The following TSPAN3 variants were observed in gnomAD, a reference collection of about 807,000 sequenced individuals.
TSPAN3 encodes the protein tetraspanin-3.
Under a neutral mutation model 31.1 loss-of-function variants are expected in TSPAN3, and 9 were observed. The observed-to-expected ratio is 0.29, with a 90% confidence interval of 0.17 to 0.50. TSPAN3 has a LOEUF of 0.50. Among genes scored for constraint, TSPAN3 ranks in the 20% least tolerant of loss-of-function variants. The pLI, the probability that TSPAN3 is intolerant of heterozygous loss-of-function variation, is 0.98. For synonymous variants in TSPAN3, 129 were observed against 114.3 expected (o/e 1.13, Z -0.82); for missense variants, 252 against 313.5 (o/e 0.80, Z 1.48).
At chr15:77,047,610 CCGT>C (rs1234756131) in intron 6 of TSPAN3, among the ~76,000 whole-genome samples, 1 of 152,134 alleles carries the variant, frequency 6.6e-6, no homozygotes, top group Admixed American at 6.5e-5. Context: ...GGTCACTCTT[CCGT>C]CATCATTTTA....
rs1201001418 is a variant in TSPAN3 at position 77,043,809 on chromosome 15, T to C, written c.*3026A>G. ...GATGGACGGAATTTGACAACTGTAC[T>C]GCAGTCGTCAGAGAGTATCTTCTTC... On this transcript the variant is annotated 3_prime_UTR_variant, in exon 7 of 7. Coordinates refer to ENST00000267970, the MANE Select transcript of TSPAN3 (RefSeq NM_005724.6). 6.6e-6 allele frequency: 1 copy of C among 152,214 alleles called. No individual in the cohort carries two copies. The highest frequency in any genetic ancestry group is 1.5e-5 in the Non-Finnish European group (1 of 68,060). 9.4% of individuals were successfully genotyped at this position (152,214 alleles called of 1,614,324 possible). A position where few individuals can be genotyped will look rare whatever the true frequency, so the allele number is the denominator to read the frequency against.
chr15:77,049,814 AT>A (rs1433892373), intron 6 of TSPAN3, among the ~76,000 whole-genome samples: 1 of 152,186 alleles, frequency 6.6e-6, no homozygotes, highest in African/African-American at 2.4e-5. Context: ...ATCAATCAAT[AT>A]TGTAACTACT....
At position 77,052,898 on chromosome 15, in the gene TSPAN3, T is replaced by A; in HGVS notation, c.464A>T (p.Asp155Val). 6.2e-7 allele frequency: 1 copy of A among 1,613,966 alleles called. No individual in the cohort carries two copies. Among genetic ancestry groups the A allele is most frequent in the Non-Finnish European group, 8.5e-7 (1 of 1,179,916 alleles). The change falls in exon 5 of 7, where the codon GAC becomes GTC. Residue 155 changes from aspartate (D) to valine (V), a missense_variant. Coordinates refer to ENST00000267970, the MANE Select transcript of TSPAN3 (RefSeq NM_005724.6). The stretch of plus-strand genomic sequence containing the variant: ...TTTGAACCAATCTGTATTTTCCCAG[T>A]CTGAGTAGTTGTGAATTCCACAACA... ...LHCCGIHNYS[D>V]WENTDWFKET...
intron 1 of TSPAN3, chr15:77,063,716 T>C (rs533806950): frequency 8.5e-4 from 130 of 152,346 alleles, no homozygotes; most frequent in African/African-American, 3.0e-3. Flanking sequence ...TTAACAAAGT[T>C]GTTCTATTTA....
At chr15:77,051,921 C>T (rs538531069) in intron 6 of TSPAN3, among the ~76,000 whole-genome samples, 1 of 151,840 alleles carries the variant, frequency 6.6e-6, no homozygotes, top group Non-Finnish European at 1.5e-5. Flanking sequence ...TCTTGATTTA[C>T]GTATATGAAT....
chr15:77,052,251 G>A (rs938814600), intron 6 of TSPAN3, 134 bp downstream of exon 6: 2 of 724,338 alleles, frequency 2.8e-6, no homozygotes, highest in African/African-American at 3.5e-5. Flanking sequence ...ATGGGAAACT[G>A]GAGGCCAGTA....
intron 6 of TSPAN3, among the ~76,000 whole-genome samples, chr15:77,047,426 T>G (rs2076701100): frequency 6.6e-6 from 1 of 152,222 alleles, no homozygotes; most frequent in South Asian, 2.1e-4. Context: ...TTAATAGTGG[T>G]CTTTTCAGGT....
chr15:77,060,173 T>C (rs1489602170), intron 1 of TSPAN3, among the ~76,000 whole-genome samples: 3 of 151,972 alleles, frequency 2.0e-5, no homozygotes, highest in South Asian at 2.1e-4. Context: ...TGGCAACATA[T>C]AGTTAAAGGA....
intron 6 of TSPAN3, among the ~76,000 whole-genome samples, chr15:77,048,961 C>T (rs2076710891): frequency 6.6e-6 from 1 of 152,030 alleles, no homozygotes; most frequent in Non-Finnish European, 1.5e-5. Flanking sequence ...ATTGGAAATA[C>T]CTATCAAAAT....
Position 77,056,149 on chromosome 15 carries a change from A to T in TSPAN3, c.170T>A (p.Ile57Asn). 6.2e-7 allele frequency: 1 copy of T among 1,613,906 alleles called. No homozygotes were observed. The highest frequency in any genetic ancestry group is 8.5e-7 in the Non-Finnish European group (1 of 1,179,936). Residue 57 changes from isoleucine to asparagine, a missense_variant, in exon 2 of 7, where the codon ATC (isoleucine) becomes AAC (asparagine). Ile to Asn is a moderately radical substitution (Grantham distance 149). Transcript: ENST00000267970. The part of the protein sequence containing the change: ...DVYTLIPAVV[I>N]IAVGALLFII... ...GAAAAGCAGGGCTCCTACAGCTATGATCACTACAGCAGGGATGAGCGTGTA... is the reference window on the plus strand; with the variant it reads ...GAAAAGCAGGGCTCCTACAGCTATGTTCACTACAGCAGGGATGAGCGTGTA...
chr15:77,053,597 T>C (rs1267925872), intron 4 of TSPAN3, among the ~76,000 whole-genome samples: 6 of 151,436 alleles, frequency 4.0e-5, no homozygotes, highest in African/African-American at 1.2e-4. Context: ...TTATTTCCAA[T>C]GACAAAGTAT....
At chr15:77,056,809 G>A (rs571904258) in intron 1 of TSPAN3, among the ~76,000 whole-genome samples, 6 of 152,300 alleles carry the variant, frequency 3.9e-5, no homozygotes, top group Non-Finnish European at 7.3e-5. Flanking sequence ...GGCAAAGCTA[G>A]AGGGCTCAGT....
intron 1 of TSPAN3, among the ~76,000 whole-genome samples, chr15:77,067,004 T>C (rs969736039): frequency 6.6e-6 from 1 of 152,040 alleles, no homozygotes; most frequent in Admixed American, 6.6e-5. Context: ...TCTCTCTGCC[T>C]CTTCTTATAA....
At chr15:77,047,088 A>AT (rs1188385971) in intron 6 of TSPAN3, among the ~76,000 whole-genome samples, 161 bp from the exon 7 acceptor site, 3 of 152,236 alleles carry the variant, frequency 2.0e-5, no homozygotes, top group Non-Finnish European at 2.9e-5. Context: ...TGAGTACATT[A>AT]TTTTTTAAGG....
intron 1 of TSPAN3, 37 bp from the exon 2 acceptor site, chr15:77,056,292 T>G (rs200636985): frequency 6.6e-7 from 1 of 1,508,692 alleles, no homozygotes; most frequent in Non-Finnish European, 8.9e-7. Context: ...CTCTAAGCAC[T>G]GCTGGTAAAA....
intron 3 of TSPAN3, chr15:77,054,951 T>C (rs980350590): frequency 1.3e-5 from 2 of 152,252 alleles, no homozygotes; most frequent in African/African-American, 2.4e-5. Context: ...AGGACTGGAC[T>C]TATCTGGTAA....
At chr15:77,054,304 C>A in intron 3 of TSPAN3, 25 bp from the exon 4 acceptor site, 1 of 1,528,404 alleles carries the variant, frequency 6.5e-7, no homozygotes, top group South Asian at 1.1e-5. Flanking sequence ...AGAATTCAGT[C>A]CCTCAAAAAT....
Position 77,055,853 on chromosome 15 carries a change from A to G in TSPAN3, c.266T>C (p.Ile89Thr). ...SRCGLATFVI[I>T]LLLVFVTEVV... ...TTCTGTGACAAAAACCAAGAGCAGGATGATGACAAACTGTAAGAAAACATG... is the reference window on the plus strand; with the variant it reads ...TTCTGTGACAAAAACCAAGAGCAGGGTGATGACAAACTGTAAGAAAACATG... Residue 89 changes from isoleucine (I) to threonine (T), a missense_variant, in exon 3 of 7, where the codon ATC (isoleucine) becomes ACC (threonine). Coordinates refer to ENST00000267970, the MANE Select transcript of TSPAN3 (RefSeq NM_005724.6). The G allele has an allele frequency of 6.2e-7, 1 of 1,609,428 alleles. No homozygotes were observed. Among genetic ancestry groups the G allele is most frequent in the Non-Finnish European group, 8.5e-7 (1 of 1,178,826 alleles).
chr15:77,053,893 CCT>C (rs1317157525), intron 4 of TSPAN3, among the ~76,000 whole-genome samples: 1 of 152,096 alleles, frequency 6.6e-6, no homozygotes, highest in Non-Finnish European at 1.5e-5. Context: ...GTGACACATA[CCT>C]CTCTCTTGCG....
Sources: gnomAD v4.1 joint callset for allele counts (sites outside exome capture counted in the v4.1 genomes callset) on GRCh38, gnomAD v4.1.1 for gene constraint, MANE v1.5 for transcripts, NCBI Gene and HGNC (gene_info 2026-07-23, HGNC 2026-07-21) for gene names.